The following GALNT16 variants were observed in gnomAD, a reference collection of about 807,000 sequenced individuals.
GALNT16 encodes UDP-GalNAc:polypeptide N-acetylgalactosaminyltransferase-like protein 1.
In GALNT16, 40 loss-of-function variants were observed where a neutral mutation model predicts 76.1. The ratio of observed to expected loss-of-function variants is 0.53; its 90% confidence interval spans 0.41 to 0.68. The LOEUF is 0.68. Ranked by LOEUF, GALNT16 falls within the 30% of genes least tolerant of loss-of-function variation. GALNT16 has a pLI of 0.00. For synonymous variants in GALNT16, 276 were observed against 285.2 expected (o/e 0.97, Z 0.32); for missense variants, 621 against 731.9 (o/e 0.85, Z 1.75).
At chr14:69,321,157 G>A (rs976074931) in intron 2 of GALNT16, among the ~76,000 whole-genome samples, 6 of 152,236 alleles carry the variant, frequency 3.9e-5, no homozygotes, top group African/African-American at 1.4e-4. Context: ...GTCCGTGGCA[G>A]TGGGTGAGCC....
chr14:69,339,299 G>A (rs1455924192), intron 10 of GALNT16, among the ~76,000 whole-genome samples: 2 of 152,140 alleles, frequency 1.3e-5, no homozygotes, highest in Non-Finnish European at 2.9e-5. Context: ...ATGCTTATTC[G>A]TACAGCGTCT....
the GALNT16 span, among the ~76,000 whole-genome samples, chr14:69,371,178 C>T: frequency 6.6e-6 from 1 of 152,156 alleles, no homozygotes; most frequent in Non-Finnish European, 1.5e-5. Context: ...CCTTGGCCTC[C>T]ACTAAGATAC....
At chr14:69,284,420 G>A (rs573703407) in intron 1 of GALNT16, among the ~76,000 whole-genome samples, 31 of 152,316 alleles carry the variant, frequency 2.0e-4, no homozygotes, top group Non-Finnish European at 3.5e-4. Flanking sequence ...CCCGTGTGGC[G>A]TGTGCAGACG....
intron 1 of GALNT16, among the ~76,000 whole-genome samples, chr14:69,320,111 T>C (rs1448308743): frequency 2.6e-5 from 4 of 152,182 alleles, no homozygotes; most frequent in African/African-American, 4.8e-5. Context: ...GCAAAGAACA[T>C]TGGTTAAGAG....
intron 1 of GALNT16, among the ~76,000 whole-genome samples, chr14:69,305,634 A>T (rs751652218): frequency 3.0e-4 from 45 of 151,838 alleles, no homozygotes; most frequent in Non-Finnish European, 4.1e-4. Flanking sequence ...TGTTTTTTTT[A>T]ACTGTTGAGT....
intron 1 of GALNT16, among the ~76,000 whole-genome samples, chr14:69,318,537 G>A (rs930464076): frequency 6.6e-6 from 1 of 152,224 alleles, no homozygotes; most frequent in African/African-American, 2.4e-5. Flanking sequence ...ATGAATGCAT[G>A]TTTAGGTGAT....
At chr14:69,270,898 G>A (rs558105697) in intron 1 of GALNT16, among the ~76,000 whole-genome samples, 79 of 152,234 alleles carry the variant, frequency 5.2e-4, no homozygotes, top group Admixed American at 2.3e-3. Flanking sequence ...TTGAAGGGGC[G>A]AAGCAGTTAG....
the GALNT16 span, among the ~76,000 whole-genome samples, chr14:69,369,447 T>C: frequency 6.6e-6 from 1 of 152,150 alleles, no homozygotes; most frequent in African/African-American, 2.4e-5. Context: ...CCGTGAAAGG[T>C]TGGCTGGCTA....
At chr14:69,366,216 T>C in the GALNT16 span, among the ~76,000 whole-genome samples, 1 of 152,202 alleles carries the variant, frequency 6.6e-6, no homozygotes, top group African/African-American at 2.4e-5. Flanking sequence ...GTAGAGTGGA[T>C]GCATGCCCAT....
At chr14:69,366,288 C>T in the GALNT16 span, among the ~76,000 whole-genome samples, 3 of 152,066 alleles carry the variant, frequency 2.0e-5, no homozygotes, top group Non-Finnish European at 4.4e-5. Context: ...TCCATGATGG[C>T]CCCCTCCCTA....
At position 69,324,917 on chromosome 14, in the gene GALNT16, C is replaced by T. The variant is rs931528877; in HGVS notation, c.434+127C>T. 3 of 599,036 alleles carry T rather than the reference C, an allele frequency of 5.0e-6. No individual in the cohort carries two copies. In the African/African-American group the frequency reaches 5.6e-5, roughly 11 times the overall value. The allele number at this position is 599,036 out of a possible 1,614,324, so 37.1% of individuals were successfully genotyped here. On this transcript the variant is annotated intron_variant, in intron 3 of 14. Coordinates refer to ENST00000448469, the MANE Select transcript of GALNT16 (RefSeq NM_001168368.2). The stretch of plus-strand genomic sequence containing the variant: ...GGCTGAGTCCTGTACTTCTGAGAGG[C>T]TGAGACTGGTGAATCAGGGCCAGGA...
At chr14:69,318,800 AG>A (rs1436593362) in intron 1 of GALNT16, among the ~76,000 whole-genome samples, 1 of 152,194 alleles carries the variant, frequency 6.6e-6, no homozygotes, top group Non-Finnish European at 1.5e-5. Context: ...CATCAACTGG[AG>A]GCTCCGTTCC....
chr14:69,302,516 ACTTTGTTT>A (rs2044868533), intron 1 of GALNT16, among the ~76,000 whole-genome samples: 1 of 152,180 alleles, frequency 6.6e-6, no homozygotes, highest in African/African-American at 2.4e-5. Context: ...TGTTTTTCAA[ACTTTGTTT>A]AGTAATGGAA....
intron 14 of GALNT16, 131 bp downstream of exon 14, chr14:69,348,133 G>A: frequency 1.2e-6 from 1 of 869,512 alleles, no homozygotes; most frequent in South Asian, 1.5e-5. Context: ...TGGGGAGGGG[G>A]AGCAAAGTCT....
chr14:69,376,283 A>C, the GALNT16 span, among the ~76,000 whole-genome samples: 1 of 152,152 alleles, frequency 6.6e-6, no homozygotes, highest in African/African-American at 2.4e-5. Context: ...ACAAATTTTA[A>C]CACTTTTGGA....
intron 12 of GALNT16, 115 bp downstream of exon 12, chr14:69,341,879 A>G: frequency 1.4e-6 from 1 of 691,634 alleles, no homozygotes; most frequent in East Asian, 2.7e-5. Context: ...CTGGCTTTCT[A>G]GCTGCCGGGT....
chr14:69,288,484 G>A (rs907767736), intron 1 of GALNT16, among the ~76,000 whole-genome samples: 3 of 152,192 alleles, frequency 2.0e-5, no homozygotes, highest in East Asian at 1.9e-4. Context: ...GTGAAACAGC[G>A]GCTCTCCCAC....
rs570818035 is a variant in GALNT16, at chr14:69,309,448, C to T, written c.178-11263C>T. On this transcript the variant is annotated intron_variant, in intron 1 of 14. Coordinates refer to ENST00000448469, the MANE Select transcript of GALNT16 (RefSeq NM_001168368.2). ...CTCCTGAGTAGCTGGGACTACAGCACGCACCATCATACCTGGATTATTTTT... is the reference window on the plus strand; with the variant it reads ...CTCCTGAGTAGCTGGGACTACAGCATGCACCATCATACCTGGATTATTTTT... Among the ~76,000 whole-genome samples, 6 of 151,966 alleles carry T rather than the reference C, an allele frequency of 3.9e-5. No individual in the cohort carries two copies. The South Asian group carries it at 1.0e-3, about 26-fold the overall frequency.
At chr14:69,344,035 A>G (rs34531312) in intron 12 of GALNT16, among the ~76,000 whole-genome samples, 3,720 of 152,304 alleles carry the variant, frequency 0.024, 74 homozygotes, top group Non-Finnish European at 0.034. Context: ...GGAGTGGATC[A>G]ATTTGCTGAT....
Sources: allele counts gnomAD v4.1 joint callset (sites outside exome capture counted in the v4.1 genomes callset), GRCh38; gene constraint gnomAD v4.1.1; transcripts MANE v1.5; gene names NCBI Gene and HGNC (gene_info 2026-07-23, HGNC 2026-07-21).